The following NOX3 variants were observed in gnomAD, a reference collection of about 807,000 sequenced individuals.
NOX3 encodes the protein NADPH oxidase catalytic subunit-like 3.
In NOX3, 74 loss-of-function variants were observed where a neutral mutation model predicts 76.7. The observed-to-expected ratio is 0.96, with a 90% CI of 0.80 to 1.17. The LOEUF is 1.17. Ranked by LOEUF, NOX3 falls within the 50% of genes most tolerant of loss-of-function variation. The pLI is 0.00. For synonymous variants in NOX3, 263 were observed against 261.1 expected, an observed-to-expected ratio of 1.01 and a Z score of -0.07; for missense variants, 695 against 703.3, an observed-to-expected ratio of 0.99 and a Z score of 0.13.
chr6:155,419,679 T>C (rs528556778), intron 10 of NOX3, among the ~76,000 whole-genome samples: 1 of 152,294 alleles, frequency 6.6e-6, no homozygotes, highest in South Asian at 2.1e-4. Context: ...TTGTGGTGAC[T>C]GCAGTGCTGA....
intron 10 of NOX3, among the ~76,000 whole-genome samples, chr6:155,422,219 C>A (rs973630003): frequency 1.3e-5 from 2 of 152,080 alleles, no homozygotes; most frequent in African/African-American, 2.4e-5. Flanking sequence ...CAGGAAATGA[C>A]AAAAGGGAGA....
intron 6 of NOX3, among the ~76,000 whole-genome samples, chr6:155,438,556 G>A (rs1450089463): frequency 6.6e-6 from 1 of 152,206 alleles, no homozygotes; most frequent in Non-Finnish European, 1.5e-5. Context: ...CAGTGGCAGC[G>A]GCAGAACTGC....
At chr6:155,426,928 T>G (rs1776761835) in intron 9 of NOX3, among the ~76,000 whole-genome samples, 2 of 148,368 alleles carry the variant, frequency 1.3e-5, no homozygotes, top group African/African-American at 5.0e-5. Context: ...TGAAAACTTT[T>G]GCCTTGGCGA....
chr6:155,418,790 C>T (rs231945), intron 10 of NOX3, among the ~76,000 whole-genome samples: 15,733 of 152,220 alleles, frequency 0.1, 2,147 homozygotes, highest in African/African-American at 0.31. Context: ...TAGTTTGCAA[C>T]GGTGACAATT....
chr6:155,427,949 G>A (rs1562465472), intron 9 of NOX3, among the ~76,000 whole-genome samples: 3 of 152,156 alleles, frequency 2.0e-5, no homozygotes, highest in Non-Finnish European at 4.4e-5. Flanking sequence ...CACCCAGGCT[G>A]GAGTGCAGTG....
intron 9 of NOX3, 112 bp downstream of exon 9, chr6:155,428,682 T>C: frequency 9.3e-7 from 1 of 1,074,076 alleles, no homozygotes; most frequent in East Asian, 2.9e-5. Flanking sequence ...AGACACAGTC[T>C]CAAACTCACC....
chr6:155,397,333 C>G (rs561053468), intron 12 of NOX3, among the ~76,000 whole-genome samples: 1 of 152,186 alleles, frequency 6.6e-6, no homozygotes, highest in South Asian at 2.1e-4. Flanking sequence ...CTATTTGGCC[C>G]CTTATGGGAA....
chr6:155,398,001 G>A (rs1457154344), intron 12 of NOX3, among the ~76,000 whole-genome samples: 1 of 152,178 alleles, frequency 6.6e-6, no homozygotes, highest in Non-Finnish European at 1.5e-5. Context: ...CACCACATCT[G>A]CACAGGGTTT....
chr6:155,404,160 A>ATAGC (rs1779274528), intron 12 of NOX3, among the ~76,000 whole-genome samples: 1 of 151,894 alleles, frequency 6.6e-6, no homozygotes, highest in African/African-American at 2.4e-5. Context: ...AAATAGCAAC[A>ATAGC]AAAACCCCTT....
rs113598735 is a variant in NOX3, at chr6:155,442,490, G to C, written c.486+783C>G. Among the ~76,000 whole-genome samples, 972 of 152,316 alleles carry C rather than the reference G, an allele frequency of 6.4e-3. 10 individuals are homozygous for C. The highest frequency in any genetic ancestry group is 0.022 in the African/African-American group (922 of 41,568). On this transcript the variant is annotated intron_variant, in intron 5 of 13. Transcript: ENST00000159060. ...GAATGGAGGGATTTTCATTGCTGAA[G>C]TGTATTGCCTTACGGCTTTTCTTGG...
intron 4 of NOX3, among the ~76,000 whole-genome samples, chr6:155,446,316 T>G (rs1777064432): frequency 6.6e-6 from 1 of 152,158 alleles, no homozygotes; most frequent in African/African-American, 2.4e-5. Context: ...TTTGCTAAAT[T>G]GAACACAAAC....
chr6:155,408,859 C>T (rs1171635503), intron 11 of NOX3, among the ~76,000 whole-genome samples: 3 of 150,890 alleles, frequency 2.0e-5, no homozygotes, highest in Non-Finnish European at 2.9e-5. Context: ...AAACAAAAAA[C>T]GAAATACTCT....
At chr6:155,428,672 A>T in intron 9 of NOX3, 122 bp downstream of exon 9, 2 of 887,360 alleles carry the variant, frequency 2.3e-6, no homozygotes, top group Non-Finnish European at 1.6e-6. Flanking sequence ...TCTCAAATTT[A>T]GACACAGTCT....
intron 12 of NOX3, among the ~76,000 whole-genome samples, chr6:155,402,965 C>A (rs1223532988): frequency 1.3e-5 from 2 of 152,126 alleles, no homozygotes; most frequent in African/African-American, 4.8e-5. Context: ...TAAGAGTAGC[C>A]AGGCAGGCTT....
At chr6:155,453,751 C>T (rs1777176308) in intron 3 of NOX3, among the ~76,000 whole-genome samples, 1 of 152,160 alleles carries the variant, frequency 6.6e-6, no homozygotes, top group South Asian at 2.1e-4. Flanking sequence ...AAAATACATG[C>T]CTCACTCAGC....
At chr6:155,441,284 C>A (rs916245815) in intron 5 of NOX3, among the ~76,000 whole-genome samples, 1 of 123,970 alleles carries the variant, frequency 8.1e-6, no homozygotes, top group African/African-American at 3.8e-5. Context: ...GGAGGTAATT[C>A]GGACAGGGAC....
chr6:155,454,873 A>C lies in NOX3; in HGVS notation c.193T>G (p.Cys65Gly), dbSNP rs770499277. ...CTGACAGGTATTAGAATTAGCATGC[A>C]GTTAAAATTCAGGCACAGTGCGGAT... is the stretch of plus-strand genomic sequence containing the variant. ...RASALCLNFN[C>G]MLILIPVSRN... is the part of the protein sequence containing the mutation. The change falls in exon 3 of 14, where the codon TGC becomes GGC. Residue 65 changes from cysteine (C) to glycine (G), a missense_variant. By Grantham distance (159) the Cys-to-Gly change is radical. Coordinates refer to ENST00000159060, the MANE Select transcript of NOX3 (RefSeq NM_015718.3). 6.2e-7 allele frequency: 1 copy of C among 1,610,668 alleles called. No individual in the cohort carries two copies. The highest frequency in any genetic ancestry group is 1.3e-5 in the African/African-American group (1 of 74,840).
intron 10 of NOX3, among the ~76,000 whole-genome samples, chr6:155,412,513 A>G (rs1418858321): frequency 6.6e-6 from 1 of 152,212 alleles, no homozygotes; most frequent in African/African-American, 2.4e-5. Flanking sequence ...AACTGGGCCC[A>G]CATATTTGTT....
At chr6:155,430,966 A>C in intron 7 of NOX3, 31 bp from the exon 8 acceptor site, 1 of 1,312,472 alleles carries the variant, frequency 7.6e-7, no homozygotes, top group Non-Finnish European at 1.1e-6. Context: ...AGAGAGAAAA[A>C]GGAAATGAAA....
Sources: allele counts gnomAD v4.1 joint callset (sites outside exome capture counted in the v4.1 genomes callset), GRCh38; gene constraint gnomAD v4.1.1; transcripts MANE v1.5; gene names NCBI Gene and HGNC (gene_info 2026-07-23, HGNC 2026-07-21).